CSMD1: variants seen among roughly 807,000 people sequenced by gnomAD.
The protein encoded by CSMD1 is CUB and sushi domain-containing protein 1.
Under a neutral mutation model 417.5 loss-of-function variants are expected in CSMD1, and 213 were observed. The ratio of observed to expected loss-of-function variants is 0.51; its 90% confidence interval spans 0.46 to 0.57. CSMD1 has a LOEUF of 0.57. CSMD1 is among the 20% of genes least tolerant of loss of function. The pLI is 0.00. For synonymous variants in CSMD1, 2,862 were observed against 1,736.8 expected (o/e 1.65, Z -16.11); for missense variants, 6,923 against 4,529.7 (o/e 1.53, Z -15.17).
At chr8:4,200,725 G>A (rs1158922521) in intron 3 of CSMD1, among the ~76,000 whole-genome samples, 5 of 152,072 alleles carry the variant, frequency 3.3e-5, no homozygotes, top group Non-Finnish European at 5.9e-5. Flanking sequence ...AGCCAGACAT[G>A]GTTGTGTGTA....
At chr8:4,686,200 G>C (rs761955593) in intron 1 of CSMD1, among the ~76,000 whole-genome samples, 3 of 152,194 alleles carry the variant, frequency 2.0e-5, no homozygotes, top group South Asian at 2.1e-4. Context: ...TTCACCTTTG[G>C]AGTTAGTAAG....
chr8:4,750,275 G>A (rs1317152568), intron 1 of CSMD1, among the ~76,000 whole-genome samples: 3 of 152,122 alleles, frequency 2.0e-5, no homozygotes, highest in Non-Finnish European at 4.4e-5. Context: ...CCACAGTGCT[G>A]GGATTACAGG....
intron 12 of CSMD1, among the ~76,000 whole-genome samples, chr8:3,415,815 A>T (rs1813105201): frequency 1.3e-5 from 2 of 152,250 alleles, no homozygotes; most frequent in African/African-American, 4.8e-5. Flanking sequence ...AATAAATGGA[A>T]GACAAAACTT....
At chr8:4,041,520 G>C (rs73511312) in intron 3 of CSMD1, among the ~76,000 whole-genome samples, 2,676 of 152,206 alleles carry the variant, frequency 0.018, 79 homozygotes, top group African/African-American at 0.061. Flanking sequence ...GTGAAAGAAT[G>C]TTCAAGAATA....
intron 5 of CSMD1, among the ~76,000 whole-genome samples, chr8:3,909,839 C>G (rs1030526070): frequency 6.6e-6 from 1 of 152,112 alleles, no homozygotes; most frequent in Non-Finnish European, 1.5e-5. Flanking sequence ...AGAAGCACCA[C>G]GTATGTCCTG....
chr8:4,927,087 C>T (rs1382661978), intron 1 of CSMD1, among the ~76,000 whole-genome samples: 2 of 143,462 alleles, frequency 1.4e-5, no homozygotes, highest in African/African-American at 5.1e-5. Flanking sequence ...GCTTTCAATG[C>T]ATTATTATTA....
At chr8:3,632,984 G>A (rs528734415) in intron 7 of CSMD1, among the ~76,000 whole-genome samples, 1 of 152,352 alleles carries the variant, frequency 6.6e-6, no homozygotes, top group East Asian at 1.9e-4. Flanking sequence ...AAAAGTGGGT[G>A]CTCTCGCACC....
intron 39 of CSMD1, among the ~76,000 whole-genome samples, chr8:3,154,888 T>C (rs1819422468): frequency 1.3e-5 from 2 of 152,306 alleles, no homozygotes; most frequent in South Asian, 2.1e-4. Context: ...CTTCTCCTCT[T>C]ACAATTCCCC....
At chr8:3,216,827 G>A (rs929403351) in intron 29 of CSMD1, among the ~76,000 whole-genome samples, 4 of 152,246 alleles carry the variant, frequency 2.6e-5, no homozygotes, top group Non-Finnish European at 5.9e-5. Context: ...CAGCACGACT[G>A]CCTGGTGTTC....
chr8:3,959,415 C>A (rs1299570948), intron 5 of CSMD1, among the ~76,000 whole-genome samples: 1 of 152,188 alleles, frequency 6.6e-6, no homozygotes, highest in African/African-American at 2.4e-5. Context: ...GGGAAGATCA[C>A]TTGAACCTGG....
chr8:4,793,745 T>G (rs1253825409), intron 1 of CSMD1, among the ~76,000 whole-genome samples: 3 of 151,402 alleles, frequency 2.0e-5, no homozygotes, highest in Admixed American at 6.6e-5. Context: ...TTCATTGGGA[T>G]GTGGACATTC....
intron 1 of CSMD1, among the ~76,000 whole-genome samples, chr8:4,782,382 A>T (rs900405501): frequency 6.6e-6 from 1 of 152,202 alleles, no homozygotes; most frequent in East Asian, 1.9e-4. Flanking sequence ...ATGTACAATT[A>T]TTATGTAGGT....
intron 1 of CSMD1, among the ~76,000 whole-genome samples, chr8:4,949,839 TATAG>T (rs1316226280): frequency 3.9e-5 from 6 of 152,154 alleles, no homozygotes; most frequent in Non-Finnish European, 8.8e-5. Flanking sequence ...AGGATATATA[TATAG>T]AGAGAATATA....
At chr8:3,571,659 C>T (rs919830719) in intron 10 of CSMD1, among the ~76,000 whole-genome samples, 4 of 152,014 alleles carry the variant, frequency 2.6e-5, no homozygotes, top group African/African-American at 9.7e-5. Context: ...TCTGCGCTCC[C>T]CGAGCTCGGG....
chr8:3,245,918 T>G (rs76072531), intron 26 of CSMD1, among the ~76,000 whole-genome samples: 1 of 152,206 alleles, frequency 6.6e-6, no homozygotes, highest in East Asian at 1.9e-4. Flanking sequence ...CGCATTCTAC[T>G]TGAAAGCCTA....
intron 2 of CSMD1, among the ~76,000 whole-genome samples, chr8:4,479,397 C>T (rs947973612): frequency 3.3e-5 from 5 of 151,566 alleles, no homozygotes; most frequent in Admixed American, 1.3e-4. Flanking sequence ...GCAGGTAGAG[C>T]TTTCACTTCA....
At chr8:4,573,364 T>C (rs1354044854) in intron 2 of CSMD1, among the ~76,000 whole-genome samples, 4 of 152,166 alleles carry the variant, frequency 2.6e-5, no homozygotes, top group Non-Finnish European at 4.4e-5. Context: ...GTTTTCCTTC[T>C]AACAGTCAGG....
intron 30 of CSMD1, among the ~76,000 whole-genome samples, chr8:3,209,442 G>A (rs533943396): frequency 9.2e-5 from 14 of 151,908 alleles, no homozygotes; most frequent in Admixed American, 3.3e-4. Flanking sequence ...TCAGCCTCCC[G>A]AGTAGCTGGG....
At chr8:3,937,753 A>G (rs1383585615) in intron 5 of CSMD1, among the ~76,000 whole-genome samples, 1 of 152,160 alleles carries the variant, frequency 6.6e-6, no homozygotes. Context: ...ATTACTGATT[A>G]AGATGTAATA....
Sources: allele counts gnomAD v4.1 joint callset (sites outside exome capture counted in the v4.1 genomes callset), GRCh38; gene constraint gnomAD v4.1.1; transcripts MANE v1.5; gene names NCBI Gene and HGNC (gene_info 2026-07-23, HGNC 2026-07-21).